Variants in RABGAP1 observed in about 807,000 individuals in gnomAD.
RABGAP1 encodes RAB GTPase activating protein 1.
RABGAP1 carries 23 observed loss-of-function variants against 137.6 expected under a neutral mutation model. That is an observed-to-expected ratio of 0.17 (90% CI 0.12 to 0.24). The LOEUF is 0.24. Ranked by LOEUF, RABGAP1 falls within the 10% of genes least tolerant of loss-of-function variation. The pLI is 1.00. For synonymous variants in RABGAP1, 451 were observed against 450.7 expected (o/e 1.00, Z -0.01); for missense variants, 906 against 1,275.8 (o/e 0.71, Z 4.42).
rs556186178 is a variant in RABGAP1, at chr9:123,030,018, G to A, written c.1794+9559G>A. 7.4e-4 allele frequency among the ~76,000 whole-genome samples: 112 copies of A among 152,198 alleles called. 1 individual carries two copies. Among genetic ancestry groups the A allele is most frequent in the African/African-American group, 2.6e-3 (107 of 41,524 alleles). ...TCGTTCTGCTTTTCTTTTTAAGCCT[G>A]TCATTTTGTTATTTTAATTATTTTG... On this transcript the variant is annotated intron_variant, in intron 13 of 25. Coordinates refer to ENST00000373647, the MANE Select transcript of RABGAP1 (RefSeq NM_012197.4).
intron 20 of RABGAP1, 127 bp downstream of exon 20, chr9:123,089,977 C>G (rs2034986975): frequency 1.2e-6 from 1 of 862,684 alleles, no homozygotes; most frequent in African/African-American, 1.7e-5. Flanking sequence ...TTTGAGTTTG[C>G]AAATTAGCAA....
At chr9:122,942,195 G>A (rs1187624904) in intron 1 of RABGAP1, among the ~76,000 whole-genome samples, 2 of 152,168 alleles carry the variant, frequency 1.3e-5, no homozygotes, top group Non-Finnish European at 2.9e-5. Context: ...AAAAAACAAC[G>A]GAAGGTGAAT....
Position 123,075,824 on chromosome 9 carries a change from T to G in RABGAP1, c.2254-421T>G, listed in dbSNP as rs529027808. On this transcript the variant is annotated intron_variant, in intron 17 of 25. Transcript: ENST00000373647. ...GTTCTTAGCCCCAGGATTTGCAGAA[T>G]GGAGGGAGCCTTGAGCAGATTCAGT... 4.3e-3 allele frequency among the ~76,000 whole-genome samples: 657 copies of G among 152,272 alleles called. 6 individuals carry two copies. The highest frequency in any genetic ancestry group is 0.015 in the African/African-American group (631 of 41,560).
intron 10 of RABGAP1, among the ~76,000 whole-genome samples, chr9:123,006,692 C>T (rs1165917834): frequency 6.6e-6 from 1 of 152,174 alleles, no homozygotes; most frequent in East Asian, 1.9e-4. Flanking sequence ...ACTGCAGCCT[C>T]CACCTCCCTG....
chr9:123,008,775 C>CT (rs140456015), intron 10 of RABGAP1, among the ~76,000 whole-genome samples: 2,396 of 152,146 alleles, frequency 0.016, 35 homozygotes, highest in South Asian at 0.066. Context: ...TAGCAAAACT[C>CT]TGAGTACTTG....
At chr9:123,084,106 C>T (rs2034796122) in intron 19 of RABGAP1, among the ~76,000 whole-genome samples, 1 of 152,178 alleles carries the variant, frequency 6.6e-6, no homozygotes. Flanking sequence ...TGATAAGTAT[C>T]ACCTGTGATA....
At chr9:123,090,068 G>A (rs922226793) in intron 20 of RABGAP1, among the ~76,000 whole-genome samples, 1 of 152,180 alleles carries the variant, frequency 6.6e-6, no homozygotes, top group Non-Finnish European at 1.5e-5. Flanking sequence ...CAAATAGTAG[G>A]TGCTTGACAA....
intron 21 of RABGAP1, 151 bp from the exon 22 acceptor site, chr9:123,097,590 T>G: frequency 1.6e-6 from 1 of 622,926 alleles, no homozygotes; most frequent in Non-Finnish European, 2.7e-6. Context: ...CACTTATGCA[T>G]GAGTGTATTC....
chr9:122,969,330 A>G (rs1443971810), intron 2 of RABGAP1, among the ~76,000 whole-genome samples: 4 of 152,240 alleles, frequency 2.6e-5, no homozygotes, highest in Non-Finnish European at 4.4e-5. Context: ...AGAACTGCCC[A>G]ACAGGCATTT....
At chr9:123,053,372 T>C (rs1047527973) in intron 13 of RABGAP1, among the ~76,000 whole-genome samples, 1 of 152,206 alleles carries the variant, frequency 6.6e-6, no homozygotes, top group African/African-American at 2.4e-5. Context: ...ATGACATGAG[T>C]GCTATGTAAT....
At chr9:122,984,354 A>T (rs187823638) in intron 2 of RABGAP1, 131 bp from the exon 3 acceptor site, 187 of 772,052 alleles carry the variant, frequency 2.4e-4, no homozygotes, top group African/African-American at 1.1e-3. Flanking sequence ...TTCTATTTTT[A>T]AAAAAAACAT....
rs746664013 is a variant in RABGAP1 at position 122,984,468 on chromosome 9, G to A, written c.151-17G>A. ...ATCTTTGTCACTTTGCTGATTGCAT[G>A]TATTTGTGACCCTTAGATTGTAGGG... On this transcript the variant is annotated splice_polypyrimidine_tract_variant and intron_variant, in intron 2 of 25. Transcript: ENST00000373647. The A allele has an allele frequency of 6.2e-7, 1 of 1,604,650 alleles. No homozygotes were observed. The highest frequency in any genetic ancestry group is 1.3e-5 in the African/African-American group (1 of 74,896).
chr9:123,072,078 G>A (rs531733029), intron 15 of RABGAP1, among the ~76,000 whole-genome samples: 2 of 152,280 alleles, frequency 1.3e-5, no homozygotes, highest in South Asian at 2.1e-4. Context: ...GCTTGGGACC[G>A]GAAGTGTTGT....
chr9:123,097,684 G>A (rs2035223716), intron 21 of RABGAP1, 57 bp from the exon 22 acceptor site: 1 of 1,423,178 alleles, frequency 7.0e-7, no homozygotes, highest in Non-Finnish European at 9.7e-7. Flanking sequence ...CTAAGTAATG[G>A]AAATCCTTTG....
intron 13 of RABGAP1, among the ~76,000 whole-genome samples, chr9:123,060,275 A>C (rs573251939): frequency 6.6e-6 from 1 of 152,338 alleles, no homozygotes; most frequent in South Asian, 2.1e-4. Flanking sequence ...AAGTTCCCTT[A>C]TGCCCCTTTT....
intron 6 of RABGAP1, among the ~76,000 whole-genome samples, chr9:122,992,159 C>T (rs1027628380): frequency 1.3e-5 from 2 of 151,958 alleles, no homozygotes; most frequent in African/African-American, 2.4e-5. Flanking sequence ...GCCTCAGCCT[C>T]CTGAGTAGCT....
chr9:123,020,827 T>C, intron 13 of RABGAP1: 1 of 683,502 alleles, frequency 1.5e-6, no homozygotes, highest in Non-Finnish European at 1.8e-6. Flanking sequence ...AAGGCTTAGT[T>C]CTTCTTAATT....
chr9:123,045,521 T>C (rs926384155), intron 13 of RABGAP1, among the ~76,000 whole-genome samples: 2 of 152,200 alleles, frequency 1.3e-5, no homozygotes, highest in Non-Finnish European at 2.9e-5. Context: ...TTGTAGCCTA[T>C]AGAACACTGG....
At chr9:122,950,001 G>A (rs968299633) in intron 1 of RABGAP1, among the ~76,000 whole-genome samples, 1 of 152,146 alleles carries the variant, frequency 6.6e-6, no homozygotes, top group Non-Finnish European at 1.5e-5. Context: ...AAGAAGATAA[G>A]ACTAGAATGG....
Sources: gnomAD v4.1 joint callset for allele counts (sites outside exome capture counted in the v4.1 genomes callset) on GRCh38, gnomAD v4.1.1 for gene constraint, MANE v1.5 for transcripts, NCBI Gene and HGNC (gene_info 2026-07-23, HGNC 2026-07-21) for gene names.